PCDHGA9: variants seen among roughly 807,000 people sequenced by gnomAD.
The protein encoded by PCDHGA9 is protocadherin gamma-A9.
PCDHGA9 carries 37 observed loss-of-function variants against 62.5 expected under a neutral mutation model. That is an observed-to-expected ratio of 0.59 (90% CI 0.46 to 0.78). PCDHGA9 has a LOEUF of 0.78. Among genes scored for constraint, PCDHGA9 ranks in the 30% least tolerant of loss-of-function variants. PCDHGA9 has a pLI of 0.00. For missense variants in PCDHGA9, 1,138 were observed against 1,166.2 expected, an observed-to-expected ratio of 0.98 and a Z score of 0.35; for synonymous variants, 459 against 484.6, an observed-to-expected ratio of 0.95 and a Z score of 0.69.
In PCDHGA9 at chr5:141,463,438, C is replaced by CTTT. The variant is rs71576115; in HGVS notation, c.2425-31343_2425-31341dup. ...GTTTGCGGATCCTCATTTCCTTCTC[C>CTTT]TTTTTTTTTTTTTTTTTTTTTTTTT... On this transcript the variant is annotated intron_variant, in intron 1 of 3. Coordinates refer to ENST00000573521, the MANE Select transcript of PCDHGA9 (RefSeq NM_018921.3). 5.0e-3 allele frequency among the ~76,000 whole-genome samples: 517 copies of CTTT among 103,248 alleles called. 61 individuals are homozygous for CTTT. The highest frequency in any genetic ancestry group is 0.017 in the African/African-American group (381 of 22,398). The allele number at this position is 103,248 out of a possible 152,430, so 67.7% of individuals were successfully genotyped here.
intron 1 of PCDHGA9, among the ~76,000 whole-genome samples, chr5:141,437,556 T>C (rs1427506223): frequency 6.6e-6 from 1 of 152,228 alleles, no homozygotes; most frequent in African/African-American, 2.4e-5. Context: ...CTTTATGACA[T>C]GTAACAGAGT....
intron 2 of PCDHGA9, among the ~76,000 whole-genome samples, chr5:141,501,890 A>G (rs1046816316): frequency 6.6e-6 from 1 of 151,980 alleles, no homozygotes; most frequent in Non-Finnish European, 1.5e-5. Flanking sequence ...CCTGATCATC[A>G]TGGTTCCAAC....
intron 1 of PCDHGA9, chr5:141,413,618 A>C (rs1188549125): frequency 6.2e-7 from 1 of 1,613,916 alleles, no homozygotes; most frequent in Admixed American, 1.7e-5. Context: ...AAAATTAATG[A>C]AAATGTCGCT....
Position 141,489,120 on chromosome 5 carries a change from G to T in PCDHGA9, c.2425-5687G>T. On this transcript the variant is annotated intron_variant, in intron 1 of 3. Coordinates refer to ENST00000573521, the MANE Select transcript of PCDHGA9 (RefSeq NM_018921.3). The surrounding 1 kb of genome is among the most constrained non-coding windows in gnomAD (Gnocchi z 4.5). Reference sequence around the variant, plus strand: ...AACTGCTGCAAGCAGGCAAACCTCCGAGCAGTTTTTAAGAGGCTGGAAGGA... The same window carrying T: ...AACTGCTGCAAGCAGGCAAACCTCCTAGCAGTTTTTAAGAGGCTGGAAGGA... 2.2e-6 allele frequency: 1 copy of T among 445,672 alleles called. No individual in the cohort carries two copies. The highest frequency in any genetic ancestry group is 3.8e-6 in the Non-Finnish European group (1 of 264,754). The allele number at this position is 445,672 out of a possible 1,614,324, so 27.6% of individuals were successfully genotyped here.
intron 1 of PCDHGA9, chr5:141,410,392 T>C: frequency 6.2e-7 from 1 of 1,614,050 alleles, no homozygotes; most frequent in African/African-American, 1.3e-5. Flanking sequence ...TCCATCCTGG[T>C]CTCTGTGTCA....
rs151105903 is a variant in PCDHGA9 at position 141,419,964 on chromosome 5, T to C, written c.2424+14588T>C. ...GTGGCCTTGGCCTTGATTTCTGTGC[T>C]CTTTCTCCTCGCGGTGATTCTAGCT... On this transcript the variant is annotated intron_variant, in intron 1 of 3. Transcript: ENST00000573521. 3.7e-6 allele frequency: 6 copies of C among 1,614,082 alleles called. No individual in the cohort carries two copies. Among genetic ancestry groups the C allele is most frequent in the Non-Finnish European group, 4.2e-6 (5 of 1,179,900 alleles).
rs2099400874 is a variant in PCDHGA9 at position 141,476,888 on chromosome 5, C to T, written c.2425-17919C>T. On this transcript the variant is annotated intron_variant, in intron 1 of 3. Transcript: ENST00000573521. This position sits in a 1 kb window ranked among gnomAD's most constrained non-coding sequence, Gnocchi z 7.6. ...CCGGGCGCGCGTCCTGGAGGATGCA[C>T]CCTCCGGCACGCGCGTGGTACAAGT... is the stretch of plus-strand genomic sequence containing the variant. 1.2e-6 allele frequency: 2 copies of T among 1,613,964 alleles called. No homozygotes were observed. The highest frequency in any genetic ancestry group is 1.7e-6 in the Non-Finnish European group (2 of 1,180,030).
chr5:141,418,576 C>T, intron 1 of PCDHGA9: 2 of 1,614,012 alleles, frequency 1.2e-6, no homozygotes, highest in South Asian at 1.1e-5. Flanking sequence ...ATGACAACCC[C>T]CCAGTGTTCA....
At chr5:141,471,046 C>G (rs960750377) in intron 1 of PCDHGA9, among the ~76,000 whole-genome samples, 3 of 113,280 alleles carry the variant, frequency 2.6e-5, no homozygotes, top group African/African-American at 1.1e-4. Context: ...CCCAAGCCCT[C>G]TTTTTTTTTT....
At chr5:141,418,407 A>C (rs1165583519) in intron 1 of PCDHGA9, 1 of 1,613,926 alleles carries the variant, frequency 6.2e-7, no homozygotes, top group Non-Finnish European at 8.5e-7. Flanking sequence ...TTGGTGGAGA[A>C]AGACAATCCT....
intron 1 of PCDHGA9, chr5:141,415,929 T>C: frequency 1.6e-6 from 1 of 629,678 alleles, no homozygotes; most frequent in African/African-American, 1.9e-5. Context: ...TGTCAATTTA[T>C]ATTTCCTCCT....
intron 1 of PCDHGA9, among the ~76,000 whole-genome samples, chr5:141,463,438 C>CTTTTTTTTT (rs71576115): frequency 4.8e-5 from 5 of 103,252 alleles, no homozygotes; most frequent in African/African-American, 2.2e-4. Context: ...TTTCCTTCTC[C>CTTTTTTTTT]TTTTTTTTTT....
Position 141,476,698 on chromosome 5 carries a change from G to T in PCDHGA9, c.2425-18109G>T. The T allele has an allele frequency of 4.3e-6, 7 of 1,614,056 alleles. No homozygotes were observed. Among genetic ancestry groups the T allele is most frequent in the Non-Finnish European group, 5.9e-6 (7 of 1,179,986 alleles). ...CGCGGGAGGACAGCACCAAGTACGC[G>T]GAGCTGGTGTTGGAGCGCGCCCTGG... On this transcript the variant is annotated intron_variant, in intron 1 of 3. Coordinates refer to ENST00000573521, the MANE Select transcript of PCDHGA9 (RefSeq NM_018921.3). The surrounding 1 kb of genome is among the most constrained non-coding windows in gnomAD (Gnocchi z 7.6).
At chr5:141,416,722 A>C (rs891558095) in intron 1 of PCDHGA9, 3 of 152,258 alleles carry the variant, frequency 2.0e-5, no homozygotes, top group African/African-American at 7.2e-5. Context: ...TGATGAGTTC[A>C]TTTAGTTCAA....
intron 1 of PCDHGA9, among the ~76,000 whole-genome samples, chr5:141,438,636 ACACACAC>A: frequency 3.9e-5 from 1 of 25,700 alleles, no homozygotes; most frequent in African/African-American, 1.5e-4. Flanking sequence ...ATATATATAT[ACACACAC>A]ACACACACAT....
At position 141,477,100 on chromosome 5, in the gene PCDHGA9, C is replaced by A. The variant is rs970613825; in HGVS notation, c.2425-17707C>A. On this transcript the variant is annotated intron_variant, in intron 1 of 3. Transcript: ENST00000573521. This position sits in a 1 kb window ranked among gnomAD's most constrained non-coding sequence, Gnocchi z 4.9. ...TTTACATCCAGGCCAAAGACAAGGGCGCCAATCCCGAAGGAGCACATTGCA... is the reference window on the plus strand; with the variant it reads ...TTTACATCCAGGCCAAAGACAAGGGAGCCAATCCCGAAGGAGCACATTGCA... 1 of 1,614,216 alleles carries A rather than the reference C, an allele frequency of 6.2e-7. No homozygotes were observed. Among genetic ancestry groups the A allele is most frequent in the Non-Finnish European group, 8.5e-7 (1 of 1,180,040 alleles).
intron 1 of PCDHGA9, chr5:141,408,803 G>T: frequency 6.2e-7 from 1 of 1,613,150 alleles, no homozygotes; most frequent in South Asian, 1.1e-5. Flanking sequence ...GAAACTCCTA[G>T]ACCGGGAAGA....
chr5:141,511,486 TC>T lies in PCDHGA9; in HGVS notation c.*315del. The T allele has an allele frequency of 2.2e-6, 1 of 449,906 alleles. No homozygotes were observed. 27.9% of individuals were successfully genotyped at this position (449,906 alleles called of 1,614,324 possible). A position where few individuals can be genotyped will look rare whatever the true frequency, so the allele number is the denominator to read the frequency against. On this transcript the variant is annotated 3_prime_UTR_variant, in exon 4 of 4. Transcript: ENST00000573521. ...CCCCGTTTAGTTACAGCTGAACTCC[TC>T]CATCTTCCAAATCAATCAGGCCCAT...
intron 1 of PCDHGA9, chr5:141,417,612 T>C: frequency 1.6e-6 from 1 of 617,852 alleles, no homozygotes; most frequent in Non-Finnish European, 2.6e-6. Flanking sequence ...CGTCGGCCAG[T>C]GCAGAGCAAG....
Sources: gnomAD v4.1 joint callset for allele counts (sites outside exome capture counted in the v4.1 genomes callset) on GRCh38, gnomAD v4.1.1 for gene constraint, Gnocchi (gnomAD v3.1) non-coding constraint, MANE v1.5 for transcripts, NCBI Gene and HGNC (gene_info 2026-07-23, HGNC 2026-07-21) for gene names.